IFNL1: variants seen among roughly 807,000 people sequenced by gnomAD.
IFNL1 encodes the protein interferon lambda 1, also known as interferon lambda-1.
Under a neutral mutation model 17.1 loss-of-function variants are expected in IFNL1, and 16 were observed. That is an observed-to-expected ratio of 0.93 (90% CI 0.63 to 1.42). The LOEUF is 1.42. Among genes scored for constraint, IFNL1 ranks in the 40% most tolerant of loss-of-function variants. The pLI, the probability that IFNL1 is intolerant of heterozygous loss-of-function variation, is 0.00. For synonymous variants in IFNL1, 104 were observed against 111.4 expected (o/e 0.93, Z 0.42); for missense variants, 262 against 249.4 (o/e 1.05, Z -0.34).
rs776104670 is a variant in IFNL1, at chr19:39,298,049, A to C, written c.335A>C (p.Asp112Ala). Residue 112 changes from aspartate (D) to alanine (A), a missense_variant, in exon 3 of 5, where the codon GAC becomes GCC. Physicochemically the swap from Asp to Ala is moderately radical, Grantham distance 126. Transcript: ENST00000333625. The part of the protein sequence containing the change: ...LEAAAGPALE[D>A]VLDQPLHTLH... ...GCCGCTGCTGGCCCAGCCCTGGAGGACGTCCTAGACCAGCCCCTTCACACC... is the reference window on the plus strand; with the variant it reads ...GCCGCTGCTGGCCCAGCCCTGGAGGCCGTCCTAGACCAGCCCCTTCACACC... 4.5e-5 allele frequency: 72 copies of C among 1,613,880 alleles called. No homozygotes were observed. Among genetic ancestry groups the C allele is most frequent in the Non-Finnish European group, 5.9e-5 (70 of 1,180,018 alleles).
At position 39,298,611 on chromosome 19, in the gene IFNL1, T is replaced by C; in HGVS notation, c.*95T>C. 7.1e-7 allele frequency: 1 copy of C among 1,403,454 alleles called. No homozygotes were observed. Among genetic ancestry groups the C allele is most frequent in the Non-Finnish European group, 9.9e-7 (1 of 1,013,500 alleles). The allele number at this position is 1,403,454 out of a possible 1,614,324, so 86.9% of individuals were successfully genotyped here. A position where few individuals can be genotyped will look rare whatever the true frequency, so the allele number is the denominator to read the frequency against. On this transcript the variant is annotated 3_prime_UTR_variant, in exon 5 of 5. Coordinates refer to ENST00000333625, the MANE Select transcript of IFNL1 (RefSeq NM_172140.2). ...TGAAGCTGCAGCCCTGACTGAGACATAGGGCTGAGTTTATTGTTTTACTTT... is the reference window on the plus strand; with the variant it reads ...TGAAGCTGCAGCCCTGACTGAGACACAGGGCTGAGTTTATTGTTTTACTTT...
chr19:39,297,378 G>T (rs2075102859), intron 2 of IFNL1, among the ~76,000 whole-genome samples: 1 of 145,762 alleles, frequency 6.9e-6, no homozygotes. Context: ...GAGTGCAGTG[G>T]CATGATCTCG....
rs781495979 is a variant in IFNL1, at chr19:39,298,391, G to C, written c.478G>C (p.Glu160Gln). ...LHRLQEAPKK[E>Q]SAGCLEASVT... ...TGACCCATCCCCTCCTCCCCTACAGGAGTCCGCTGGCTGCCTGGAGGCATC... is the reference window on the plus strand; with the variant it reads ...TGACCCATCCCCTCCTCCCCTACAGCAGTCCGCTGGCTGCCTGGAGGCATC... Residue 160 changes from glutamate to glutamine, a missense_variant and splice_region_variant, in exon 5 of 5, where the codon GAG becomes CAG. By Grantham distance (29) the Glu-to-Gln change is conservative (BLOSUM62 2). Transcript: ENST00000333625. 2 of 1,614,082 alleles carry C rather than the reference G, an allele frequency of 1.2e-6. No homozygotes were observed.
rs150964916 is a variant in IFNL1 at position 39,298,008 on chromosome 19, G to A, written c.294G>A (p.Thr98=). 0.01 allele frequency: 16,325 copies of A among 1,614,158 alleles called. 101 individuals carry two copies. Among genetic ancestry groups the A allele is most frequent in the Non-Finnish European group, 0.012 (14,650 of 1,180,016 alleles). ...PVALEAELAL[T]LKVLEAAAGP... ...CCTTGGAGGCTGAGCTGGCCCTGAC[G>A]CTGAAGGTCCTGGAGGCCGCTGCTG... Residue 98 remains threonine, a synonymous_variant, in exon 3 of 5, where the codon ACG becomes ACA. Transcript: ENST00000333625.
In IFNL1 at chr19:39,298,230, A is replaced by G. The variant is rs372606683; in HGVS notation, c.411A>G (p.Thr137=). 26 of 1,614,014 alleles carry G rather than the reference A, an allele frequency of 1.6e-5. No individual in the cohort carries two copies. In the African/African-American group the frequency reaches 3.1e-4, roughly 19 times the overall value. The change falls in exon 4 of 5, where the codon ACA becomes ACG. Residue 137 remains threonine (T), a synonymous_variant. Transcript: ENST00000333625. ...GCCCACAGATCCAGCCTCAGCCCAC[A>G]GCAGGGCCCAGGCCCCGGGGCCGCC... ...QLQACIQPQP[T]AGPRPRGRLH... is the part of the protein sequence containing the mutation.
intron 2 of IFNL1, among the ~76,000 whole-genome samples, chr19:39,297,221 CT>C (rs1245511984): frequency 6.6e-6 from 1 of 151,938 alleles, no homozygotes; most frequent in Non-Finnish European, 1.5e-5. Context: ...CACTGACCCC[CT>C]CTCCCTCTCA....
Position 39,298,056 on chromosome 19 carries a change from AG to A in IFNL1, c.343del (p.Asp115ThrfsTer77). On this transcript the variant is annotated frameshift_variant, in exon 3 of 5. Transcript: ENST00000333625. LOFTEE classifies it high-confidence loss of function. ...AAGPALEDVLDQPLHTLHHIL... is the reference protein window; with the variant it reads ...AAGPALEDVLXQPLHTLHHIL... Reference sequence around the variant, plus strand: ...CTGGCCCAGCCCTGGAGGACGTCCTAGACCAGCCCCTTCACACCCTGCACCA... The same window carrying A: ...CTGGCCCAGCCCTGGAGGACGTCCTAACCAGCCCCTTCACACCCTGCACCA... 6.2e-7 allele frequency: 1 copy of A among 1,614,128 alleles called. No homozygotes were observed. The highest frequency in any genetic ancestry group is 8.5e-7 in the Non-Finnish European group (1 of 1,180,004).
chr19:39,298,221 T>G lies in IFNL1; in HGVS notation c.402T>G (p.Pro134=). 9.3e-6 allele frequency: 15 copies of G among 1,613,944 alleles called. No homozygotes were observed. The highest frequency in any genetic ancestry group is 1.3e-5 in the Non-Finnish European group (15 of 1,179,976). The change falls in exon 4 of 5, where the codon CCT becomes CCG. Residue 134 remains proline (P), a synonymous_variant. Transcript: ENST00000333625. The stretch of plus-strand genomic sequence containing the variant: ...CCCTCTTCTGCCCACAGATCCAGCC[T>G]CAGCCCACAGCAGGGCCCAGGCCCC... The part of the protein sequence containing the change: ...ILSQLQACIQ[P]QPTAGPRPRG...
In IFNL1 at chr19:39,298,638, A is replaced by C; in HGVS notation, c.*122A>C. ...GGGCTGAGTTTATTGTTTTACTTTT[A>C]TACATTATGCACAAATAAACAACAA... On this transcript the variant is annotated 3_prime_UTR_variant, in exon 5 of 5. Coordinates refer to ENST00000333625, the MANE Select transcript of IFNL1 (RefSeq NM_172140.2). The C allele has an allele frequency of 8.3e-7, 1 of 1,209,744 alleles. No individual in the cohort carries two copies. Among genetic ancestry groups the C allele is most frequent in the Non-Finnish European group, 1.2e-6 (1 of 848,682 alleles). 74.9% of individuals were successfully genotyped at this position (1,209,744 alleles called of 1,614,324 possible).
rs145700659 is a variant in IFNL1 at position 39,296,533 on chromosome 19, A to C, written c.112A>C (p.Arg38=). Residue 38 remains arginine (R), a synonymous_variant, in exon 1 of 5, where the codon AGG becomes CGG. Transcript: ENST00000333625. ...TTTGKGCHIG[R]FKSLSPQELA... ...AACTGGGAAGGGCTGCCACATTGGC[A>C]GGTTCAAATCTCTGTCACCACAGGA... 6.5e-5 allele frequency: 105 copies of C among 1,613,978 alleles called. No individual in the cohort carries two copies. In the Middle Eastern group the frequency reaches 6.7e-4, roughly 10 times the overall value.
chr19:39,298,135 G>C lies in IFNL1; in HGVS notation c.393+28G>C, dbSNP rs201162147. 9.3e-6 allele frequency: 15 copies of C among 1,612,610 alleles called. No individual in the cohort carries two copies. In the African/African-American group the frequency reaches 1.9e-4, roughly 20 times the overall value. On this transcript the variant is annotated intron_variant, in intron 3 of 4. Transcript: ENST00000333625. ...GAGTCCTTGGGGCCCGGGCACCCAG[G>C]TCTGTGGGCTCTGAGCAGCATCCTT...
intron 1 of IFNL1, 50 bp downstream of exon 1, chr19:39,296,642 C>T: frequency 6.4e-7 from 1 of 1,567,400 alleles, no homozygotes. Context: ...GTCCCAATTA[C>T]TGCCCTTCTA....
At chr19:39,297,928 G>A in intron 2 of IFNL1, 36 bp from the exon 3 acceptor site, 2 of 1,613,022 alleles carry the variant, frequency 1.2e-6, no homozygotes, top group South Asian at 1.1e-5. Context: ...CTTCTTGCCT[G>A]TTCTCCCTCA....
intron 1 of IFNL1, 90 bp downstream of exon 1, chr19:39,296,682 T>C (rs1172184119): frequency 1.3e-5 from 20 of 1,495,504 alleles, no homozygotes; most frequent in African/African-American, 2.8e-5. Flanking sequence ...CTTCCAACTA[T>C]GGCAAACCTC....
At chr19:39,296,985 T>G in intron 2 of IFNL1, 103 bp downstream of exon 2, 2 of 829,692 alleles carry the variant, frequency 2.4e-6, no homozygotes, top group East Asian at 2.5e-5. Context: ...TTCACTCTCT[T>G]GGACCTCTCC....
rs779987581 is a variant in IFNL1 at position 39,298,412 on chromosome 19, G to A, written c.499G>A (p.Ala167Thr). The change falls in exon 5 of 5, where the codon GCA becomes ACA. Residue 167 changes from alanine to threonine, a missense_variant. Physicochemically the swap from Ala to Thr is moderately conservative, Grantham distance 58. Coordinates refer to ENST00000333625, the MANE Select transcript of IFNL1 (RefSeq NM_172140.2). Reference sequence around the variant, plus strand: ...ACAGGAGTCCGCTGGCTGCCTGGAGGCATCTGTCACCTTCAACCTCTTCCG... The same window carrying A: ...ACAGGAGTCCGCTGGCTGCCTGGAGACATCTGTCACCTTCAACCTCTTCCG... ...PKKESAGCLE[A>T]SVTFNLFRLL... 94 of 1,614,074 alleles carry A rather than the reference G, an allele frequency of 5.8e-5. No individual in the cohort carries two copies. The highest frequency in any genetic ancestry group is 8.3e-5 in the Admixed American group (5 of 59,998).
intron 4 of IFNL1, 26 bp from the exon 5 acceptor site, chr19:39,298,365 C>G (rs753269339): frequency 1.4e-5 from 22 of 1,614,088 alleles, no homozygotes; most frequent in Non-Finnish European, 1.8e-5. Context: ...TGGACAGCCC[C>G]TGACCCATCC....
At position 39,297,487 on chromosome 19, in the gene IFNL1, T is replaced by G. The variant is rs575924978; in HGVS notation, c.250-477T>G. ...GCATGTGCCATGATGCCCAGCTAAT[T>G]TTTGTATTTTTAGCAGAGACGGGGT... On this transcript the variant is annotated intron_variant, in intron 2 of 4. Transcript: ENST00000333625. 6.6e-5 allele frequency among the ~76,000 whole-genome samples: 10 copies of G among 151,924 alleles called. No homozygotes were observed. In the South Asian group the frequency reaches 2.1e-3, roughly 32 times the overall value.
intron 3 of IFNL1, 51 bp downstream of exon 3, chr19:39,298,158 C>A: frequency 6.2e-7 from 1 of 1,613,254 alleles, no homozygotes; most frequent in Non-Finnish European, 8.5e-7. Context: ...GAGCAGCATC[C>A]TTCCCCTGTG....
Sources: gnomAD v4.1 joint callset for allele counts (sites outside exome capture counted in the v4.1 genomes callset) on GRCh38, gnomAD v4.1.1 for gene constraint, MANE v1.5 for transcripts, NCBI Gene and HGNC (gene_info 2026-07-23, HGNC 2026-07-21) for gene names.